The following PCDH10 variants were observed in gnomAD, a reference collection of about 807,000 sequenced individuals.
PCDH10 encodes the protein protocadherin 10.
In PCDH10, 15 loss-of-function variants were observed where a neutral mutation model predicts 74.4. That is an observed-to-expected ratio of 0.20 (90% CI 0.13 to 0.31). The LOEUF is 0.31. PCDH10 is among the 10% of genes least tolerant of loss of function. The pLI is 1.00. For missense variants in PCDH10, 1,260 were observed against 1,390.2 expected (o/e 0.91, Z 1.49); for synonymous variants, 619 against 589.8 (o/e 1.05, Z -0.72).
intron 4 of PCDH10, among the ~76,000 whole-genome samples, chr4:133,165,803 A>G (rs1317975762): frequency 6.6e-6 from 1 of 151,756 alleles, no homozygotes; most frequent in Admixed American, 6.6e-5. Flanking sequence ...AATACAAAAG[A>G]GATCAATGTC....
chr4:133,189,343 T>C (rs1228860872), intron 4 of PCDH10, among the ~76,000 whole-genome samples: 2 of 152,250 alleles, frequency 1.3e-5, no homozygotes, highest in Non-Finnish European at 2.9e-5. Context: ...CTCATTGTGC[T>C]TATGGTCAAA....
At chr4:133,185,610 C>G (rs1471532284) in intron 4 of PCDH10, among the ~76,000 whole-genome samples, 1 of 152,030 alleles carries the variant, frequency 6.6e-6, no homozygotes, top group Non-Finnish European at 1.5e-5. Context: ...ACGCTAGATG[C>G]ATTTATATGT....
In PCDH10 at chr4:133,149,819, A is replaced by G. The variant is rs1241395694; in HGVS notation, c.-322A>G. ...CGAAATTTCCTCTTTGGGATTTGCC[A>G]GCGCCAAGACTGTCGGAATAAAGGA... On this transcript the variant is annotated 5_prime_UTR_variant, in exon 1 of 5. Transcript: ENST00000264360. 1 of 205,928 alleles carries G rather than the reference A, an allele frequency of 4.9e-6. No homozygotes were observed. Among genetic ancestry groups the G allele is most frequent in the Admixed American group, 5.7e-5 (1 of 17,628 alleles). 12.8% of individuals were successfully genotyped at this position (205,928 alleles called of 1,614,324 possible). A position where few individuals can be genotyped will look rare whatever the true frequency, so the allele number is the denominator to read the frequency against.
chr4:133,191,480 G>A lies in PCDH10; in HGVS notation c.*1320G>A, dbSNP rs946096988. 8.5e-5 allele frequency: 13 copies of A among 152,106 alleles called. No homozygotes were observed. The highest frequency in any genetic ancestry group is 3.3e-4 in the Admixed American group (5 of 15,188). The allele number at this position is 152,106 out of a possible 1,614,324, so 9.4% of individuals were successfully genotyped here. A position where few individuals can be genotyped will look rare whatever the true frequency, so the allele number is the denominator to read the frequency against. On this transcript the variant is annotated 3_prime_UTR_variant, in exon 5 of 5. Coordinates refer to ENST00000264360, the MANE Select transcript of PCDH10 (RefSeq NM_032961.3). The stretch of plus-strand genomic sequence containing the variant: ...TATAGCTTAAATGTAGTCAGTGTTT[G>A]ATTAATGAAAAAATTCTTCATGAGT...
intron 3 of PCDH10, among the ~76,000 whole-genome samples, chr4:133,161,349 T>C (rs939191908): frequency 6.6e-6 from 1 of 152,140 alleles, no homozygotes; most frequent in African/African-American, 2.4e-5. Context: ...AAAATTTATG[T>C]AATTTGCTAT....
rs760385127 is a variant in PCDH10 at position 133,150,817 on chromosome 4, C to T, written c.677C>T (p.Pro226Leu). The T allele has an allele frequency of 1.3e-6, 2 of 1,588,326 alleles. No individual in the cohort carries two copies. The highest frequency in any genetic ancestry group is 2.2e-5 in the East Asian group (1 of 44,630). ...GGTGGCGGGGGAGCAGGCCTGCCCC[C>T]CCAGCAGCAGCGCACCGGCACGGCC... is the stretch of plus-strand genomic sequence containing the variant. ...GGGGGGAGLP[P>L]QQQRTGTALL... Residue 226 changes from proline (P) to leucine (L), a missense_variant, in exon 1 of 5, where the codon CCC becomes CTC. Physicochemically the swap from Pro to Leu is moderately conservative, Grantham distance 98 (BLOSUM62 -3). Coordinates refer to ENST00000264360, the MANE Select transcript of PCDH10 (RefSeq NM_032961.3).
intron 4 of PCDH10, among the ~76,000 whole-genome samples, chr4:133,167,121 A>C (rs922096867): frequency 6.6e-6 from 1 of 151,406 alleles, no homozygotes; most frequent in Non-Finnish European, 1.5e-5. Flanking sequence ...AACTTGACGC[A>C]CCCATATGAT....
At position 133,149,934 on chromosome 4, in the gene PCDH10, T is replaced by A. The variant is rs1211369999; in HGVS notation, c.-207T>A. ...GGGACGCCTGTCACCCTTCCTGTGC[T>A]AAGATTTAAAAAAAAATGAGGCTGG... is the stretch of plus-strand genomic sequence containing the variant. On this transcript the variant is annotated 5_prime_UTR_variant, in exon 1 of 5. Coordinates refer to ENST00000264360, the MANE Select transcript of PCDH10 (RefSeq NM_032961.3). The A allele has an allele frequency of 5.2e-6, 3 of 577,976 alleles. No homozygotes were observed. Among genetic ancestry groups the A allele is most frequent in the Admixed American group, 3.8e-5 (1 of 26,440 alleles). 35.8% of individuals were successfully genotyped at this position (577,976 alleles called of 1,614,324 possible). A position where few individuals can be genotyped will look rare whatever the true frequency, so the allele number is the denominator to read the frequency against.
intron 4 of PCDH10, among the ~76,000 whole-genome samples, chr4:133,169,245 A>G (rs1259572104): frequency 6.6e-6 from 1 of 151,582 alleles, no homozygotes; most frequent in Admixed American, 6.6e-5. Context: ...TAGTTTAGTC[A>G]CTTTTTTCTT....
In PCDH10 at chr4:133,151,054, C is replaced by T. The variant is rs1726670489; in HGVS notation, c.914C>T (p.Pro305Leu). 6.2e-7 allele frequency: 1 copy of T among 1,613,846 alleles called. No individual in the cohort carries two copies. The highest frequency in any genetic ancestry group is 1.3e-5 in the African/African-American group (1 of 74,930). ...PRARELFGLS[P>L]RTGRLEVSGE... is the part of the protein sequence containing the mutation. ...GCGCGGGAGCTTTTCGGACTCTCGC[C>T]GCGCACTGGCAGACTGGAGGTAAGC... The change falls in exon 1 of 5, where the codon CCG becomes CTG. Residue 305 changes from proline to leucine, a missense_variant. Pro to Leu is a moderately conservative substitution (Grantham distance 98). This residue lies in a region of PCDH10 where 192 missense variants were observed against 161.2 expected (regional missense o/e 1.19). Coordinates refer to ENST00000264360, the MANE Select transcript of PCDH10 (RefSeq NM_032961.3).
chr4:133,153,107 G>T, intron 1 of PCDH10: 1 of 1,313,844 alleles, frequency 7.6e-7, no homozygotes, highest in Non-Finnish European at 9.7e-7. Flanking sequence ...GGGAAATGTG[G>T]AGGAGGGACT....
chr4:133,188,203 A>G (rs1157758231), intron 4 of PCDH10, among the ~76,000 whole-genome samples: 2 of 152,166 alleles, frequency 1.3e-5, no homozygotes, highest in Non-Finnish European at 2.9e-5. Flanking sequence ...TTTGTAATTA[A>G]TAATAGTGTT....
chr4:133,183,459 A>G (rs937857512), intron 4 of PCDH10, among the ~76,000 whole-genome samples: 5 of 152,118 alleles, frequency 3.3e-5, no homozygotes, highest in Admixed American at 2.6e-4. Flanking sequence ...ATACAAAGCT[A>G]TGTGAGGGTA....
intron 4 of PCDH10, among the ~76,000 whole-genome samples, chr4:133,175,081 A>G (rs1410817097): frequency 2.0e-5 from 3 of 151,876 alleles, no homozygotes; most frequent in Non-Finnish European, 4.4e-5. Flanking sequence ...CAATATAGAG[A>G]AAGATTACCT....
intron 4 of PCDH10, among the ~76,000 whole-genome samples, chr4:133,168,716 A>G (rs1053595750): frequency 2.6e-5 from 4 of 151,630 alleles, no homozygotes; most frequent in Non-Finnish European, 5.9e-5. Context: ...CCAGCTATGC[A>G]TATTATAAAT....
chr4:133,191,424 A>G lies in PCDH10; in HGVS notation c.*1264A>G, dbSNP rs1239866146. 1 of 152,326 alleles carries G rather than the reference A, an allele frequency of 6.6e-6. No individual in the cohort carries two copies. Among genetic ancestry groups the G allele is most frequent in the East Asian group, 1.9e-4 (1 of 5,164 alleles). 9.4% of individuals were successfully genotyped at this position (152,326 alleles called of 1,614,324 possible). ...AAATTTAGAGATAGAATCATGGTAC[A>G]TTATTGTTTCAGTATTCCATGTGAA... On this transcript the variant is annotated 3_prime_UTR_variant, in exon 5 of 5. Transcript: ENST00000264360.
At chr4:133,161,165 G>A (rs17020408) in intron 3 of PCDH10, among the ~76,000 whole-genome samples, 29,342 of 151,878 alleles carry the variant, frequency 0.19, 3,295 homozygotes, top group Admixed American at 0.31. Flanking sequence ...TGACGTTTCC[G>A]TTCCTCAACA....
intron 4 of PCDH10, among the ~76,000 whole-genome samples, chr4:133,176,384 T>G (rs1315353597): frequency 1.3e-5 from 2 of 152,174 alleles, no homozygotes; most frequent in Non-Finnish European, 2.9e-5. Context: ...TTGTGGAAAT[T>G]AAATTATTTA....
chr4:133,162,371 GA>G lies in PCDH10; in HGVS notation c.2798-602del, dbSNP rs755516963. 1.1e-4 allele frequency among the ~76,000 whole-genome samples: 17 copies of G among 152,266 alleles called. No individual in the cohort carries two copies. In the East Asian group the frequency reaches 2.7e-3, roughly 24 times the overall value. On this transcript the variant is annotated intron_variant, in intron 3 of 4. Transcript: ENST00000264360. Reference sequence around the variant, plus strand: ...AGGAAGTCATTTCCTAGAAACCTCGGAAAATATGCTTTTAGCTGCTAATGAA... The same window carrying G: ...AGGAAGTCATTTCCTAGAAACCTCGGAAATATGCTTTTAGCTGCTAATGAA...
Sources: gnomAD v4.1 joint callset for allele counts (sites outside exome capture counted in the v4.1 genomes callset) on GRCh38, gnomAD v4.1.1 for gene constraint, gnomAD v4.1.1 regional missense constraint, MANE v1.5 for transcripts, NCBI Gene and HGNC (gene_info 2026-07-23, HGNC 2026-07-21) for gene names.